The following RAPGEF2 variants were observed in gnomAD, a reference collection of about 807,000 sequenced individuals.
The protein encoded by RAPGEF2 is Rap guanine nucleotide exchange factor 2, also known as PDZ domain containing guanine nucleotide exchange factor (GEF) 1.
RAPGEF2 carries 54 observed loss-of-function variants against 186.7 expected under a neutral mutation model. That is an observed-to-expected ratio of 0.29 (90% confidence interval 0.23 to 0.36). The LOEUF (loss-of-function observed/expected upper bound fraction) is 0.36. RAPGEF2 is among the 10% of genes least tolerant of loss of function. The pLI is 1.00. For synonymous variants in RAPGEF2, 712 were observed against 705.9 expected, an observed-to-expected ratio of 1.01 and a Z score of -0.14; for missense variants, 1,532 against 2,045.0, an observed-to-expected ratio of 0.75 and a Z score of 4.84.
chr4:159,104,635 ATC>A (rs759737844), intron 1 of RAPGEF2, among the ~76,000 whole-genome samples: 84 of 151,374 alleles, frequency 5.5e-4, no homozygotes, highest in Non-Finnish European at 1.0e-3. Context: ...TGGCCTCTGA[ATC>A]TCAGGGGATG....
intron 7 of RAPGEF2, among the ~76,000 whole-genome samples, chr4:159,285,284 G>A (rs1760305466): frequency 6.6e-6 from 1 of 152,044 alleles, no homozygotes; most frequent in Non-Finnish European, 1.5e-5. Flanking sequence ...AAATATCAAA[G>A]TTTATGTCTG....
At chr4:159,152,786 T>A (rs1167153982) in intron 1 of RAPGEF2, among the ~76,000 whole-genome samples, 2 of 151,932 alleles carry the variant, frequency 1.3e-5, no homozygotes, top group Admixed American at 1.3e-4. Flanking sequence ...CCTGGCTAAT[T>A]TTTTTTGTAT....
intron 11 of RAPGEF2, among the ~76,000 whole-genome samples, chr4:159,324,568 G>A (rs1268796727): frequency 6.6e-6 from 1 of 152,044 alleles, no homozygotes; most frequent in African/African-American, 2.4e-5. Flanking sequence ...GTTATGCAGT[G>A]TTTTTATTTA....
At chr4:159,243,218 A>G (rs1754222421) in intron 6 of RAPGEF2, among the ~76,000 whole-genome samples, 1 of 151,742 alleles carries the variant, frequency 6.6e-6, no homozygotes, top group African/African-American at 2.4e-5. Context: ...TTACTAATGG[A>G]TCATATACTG....
chr4:159,205,322 A>G (rs1018169849), intron 3 of RAPGEF2, among the ~76,000 whole-genome samples: 5 of 152,154 alleles, frequency 3.3e-5, no homozygotes, highest in African/African-American at 1.2e-4. Flanking sequence ...GGGCCTGAGA[A>G]CTACTAGATA....
At chr4:159,327,495 A>C (rs1481655753) in intron 11 of RAPGEF2, 1 of 152,224 alleles carries the variant, frequency 6.6e-6, no homozygotes, top group African/African-American at 2.4e-5. Flanking sequence ...TGTACTAAAA[A>C]TACAAAAAAA....
chr4:159,220,942 A>G (rs1466280738), intron 4 of RAPGEF2, among the ~76,000 whole-genome samples: 1 of 152,234 alleles, frequency 6.6e-6, no homozygotes, highest in Non-Finnish European at 1.5e-5. Flanking sequence ...GTAACCTACA[A>G]TTTATTTAAT....
chr4:159,121,695 A>G (rs1484601983), intron 1 of RAPGEF2, among the ~76,000 whole-genome samples: 1 of 152,006 alleles, frequency 6.6e-6, no homozygotes, highest in Non-Finnish European at 1.5e-5. Context: ...GAGAATTGCC[A>G]CAATTTGAAA....
chr4:159,213,717 G>T (rs1299578310), intron 4 of RAPGEF2, among the ~76,000 whole-genome samples: 1 of 151,796 alleles, frequency 6.6e-6, no homozygotes, highest in Non-Finnish European at 1.5e-5. Flanking sequence ...GGGTGGTTTG[G>T]GTATGTATTT....
intron 25 of RAPGEF2, 144 bp from the exon 26 acceptor site, chr4:159,349,993 G>A: frequency 1.9e-6 from 1 of 525,696 alleles, no homozygotes. Context: ...ACCTTGAAGA[G>A]TACAAAGAAC....
intron 7 of RAPGEF2, chr4:159,268,339 G>T (rs1757690644): frequency 1.4e-6 from 1 of 700,734 alleles, no homozygotes; most frequent in Non-Finnish European, 2.3e-6. Context: ...AGTCTGCTTG[G>T]AGAGGAGGGG....
intron 4 of RAPGEF2, among the ~76,000 whole-genome samples, chr4:159,214,176 A>C (rs1428873349): frequency 6.6e-6 from 1 of 152,202 alleles, no homozygotes; most frequent in Non-Finnish European, 1.5e-5. Flanking sequence ...AAACAGAGCA[A>C]ACTGTGATGT....
intron 1 of RAPGEF2, among the ~76,000 whole-genome samples, chr4:159,163,625 G>A (rs1026119349): frequency 6.6e-6 from 1 of 152,174 alleles, no homozygotes; most frequent in Admixed American, 6.5e-5. Flanking sequence ...TCTAAGACAT[G>A]TCAAGAAAAT....
At chr4:159,188,571 G>T (rs1747786063) in intron 2 of RAPGEF2, among the ~76,000 whole-genome samples, 1 of 151,478 alleles carries the variant, frequency 6.6e-6, no homozygotes, top group African/African-American at 2.4e-5. Flanking sequence ...AGCTGAGGTA[G>T]GAGAGTCGCT....
chr4:159,193,756 TAAAG>T (rs779365939), intron 3 of RAPGEF2, among the ~76,000 whole-genome samples: 3 of 152,236 alleles, frequency 2.0e-5, no homozygotes, highest in Admixed American at 6.5e-5. Flanking sequence ...AGCGTATTCT[TAAAG>T]AATATATAGT....
chr4:159,197,979 T>C (rs1477136302), intron 3 of RAPGEF2, among the ~76,000 whole-genome samples: 2 of 152,222 alleles, frequency 1.3e-5, no homozygotes, highest in Non-Finnish European at 2.9e-5. Flanking sequence ...GCCGCGTTTC[T>C]GAGACCGTAA....
Position 159,356,081 on chromosome 4 carries a change from C to T in RAPGEF2, c.4880C>T (p.Pro1627Leu). The T allele has an allele frequency of 6.2e-7, 1 of 1,614,202 alleles. No homozygotes were observed. Residue 1627 changes from proline to leucine, a missense_variant, in exon 29 of 30, where the codon CCT becomes CTT. Transcript: ENST00000691494. ...ACCAGCAGCAGGCCTGTGAACAAACCTCAGTGGCATAAACCGAACGAGTCT... is the reference window on the plus strand; with the variant it reads ...ACCAGCAGCAGGCCTGTGAACAAACTTCAGTGGCATAAACCGAACGAGTCT... Reference protein sequence around the residue: ...HPTSSRPVNKPQWHKPNESDP... With the variant: ...HPTSSRPVNKLQWHKPNESDP...
At chr4:159,164,046 C>G (rs960151652) in intron 1 of RAPGEF2, among the ~76,000 whole-genome samples, 12 of 151,946 alleles carry the variant, frequency 7.9e-5, no homozygotes, top group African/African-American at 2.4e-4. Flanking sequence ...GCCGTGTCCC[C>G]CAGGCTGGAG....
chr4:159,341,714 C>T lies in RAPGEF2; in HGVS notation c.2685C>T (p.Arg895=), dbSNP rs1300739703. The T allele has an allele frequency of 6.2e-7, 1 of 1,613,896 alleles. No homozygotes were observed. The highest frequency in any genetic ancestry group is 1.3e-5 in the African/African-American group (1 of 74,900). The change falls in exon 20 of 30, where the codon CGC becomes CGT. Residue 895 remains arginine (R), a synonymous_variant. Coordinates refer to ENST00000691494, the MANE Select transcript of RAPGEF2 (RefSeq NM_001394067.2). ...CTATGCGAAATTTTGAACTCTTTCGCAACATTGAACCTACTGAATATATAG... is the reference window on the plus strand; with the variant it reads ...CTATGCGAAATTTTGAACTCTTTCGTAACATTGAACCTACTGAATATATAG... ...QLSMRNFELF[R]NIEPTEYIDD...
Sources: gnomAD v4.1 joint callset for allele counts (sites outside exome capture counted in the v4.1 genomes callset) on GRCh38, gnomAD v4.1.1 for gene constraint, MANE v1.5 for transcripts, NCBI Gene and HGNC (gene_info 2026-07-23, HGNC 2026-07-21) for gene names.